Variants in GRM5 observed in about 807,000 individuals in gnomAD.
GRM5 encodes the protein metabotropic glutamate receptor 5.
A neutral mutation model predicts 83.1 loss-of-function variants in GRM5; 19 were observed. The observed-to-expected ratio is 0.23, with a 90% CI of 0.16 to 0.34. The LOEUF is 0.34. GRM5 is among the 10% of genes least tolerant of loss of function. The probability of loss-of-function intolerance (pLI) is 1.00; values close to 1 mark genes in which losing one functional copy is unlikely to be tolerated. For synonymous variants in GRM5, 675 were observed against 633.6 expected (o/e 1.07, Z -0.98); for missense variants, 1,160 against 1,588.3 (o/e 0.73, Z 4.58).
chr11:88,539,742 C>G (rs1455229267), intron 8 of GRM5, among the ~76,000 whole-genome samples: 1 of 152,208 alleles, frequency 6.6e-6, no homozygotes, highest in Non-Finnish European at 1.5e-5. Flanking sequence ...CTACTTCCAT[C>G]TGGATCTGTC....
intron 3 of GRM5, among the ~76,000 whole-genome samples, chr11:88,807,783 A>G (rs1754642440): frequency 6.6e-6 from 1 of 152,088 alleles, no homozygotes; most frequent in Non-Finnish European, 1.5e-5. Flanking sequence ...AAATTAATGA[A>G]TTGCAAAATT....
chr11:88,926,202 A>G (rs1295847545), intron 2 of GRM5, among the ~76,000 whole-genome samples: 1 of 152,162 alleles, frequency 6.6e-6, no homozygotes, highest in Non-Finnish European at 1.5e-5. Flanking sequence ...AGCAGTCTGC[A>G]GAGCCCATAT....
At chr11:88,539,860 T>C (rs1176909501) in intron 8 of GRM5, among the ~76,000 whole-genome samples, 1 of 152,224 alleles carries the variant, frequency 6.6e-6, no homozygotes, top group Admixed American at 6.5e-5. Context: ...GTCTCCCCTG[T>C]TAATCTGTAT....
At chr11:88,998,167 C>T (rs1940256051) in intron 2 of GRM5, among the ~76,000 whole-genome samples, 1 of 151,842 alleles carries the variant, frequency 6.6e-6, no homozygotes, top group Non-Finnish European at 1.5e-5. Context: ...GCAAATATAA[C>T]CACAAAAGTT....
At chr11:88,953,008 C>T (rs1349771771) in intron 2 of GRM5, among the ~76,000 whole-genome samples, 3 of 152,132 alleles carry the variant, frequency 2.0e-5, no homozygotes, top group Admixed American at 2.0e-4. Flanking sequence ...TAATGTTAAA[C>T]TATCTTTAAT....
At chr11:88,678,852 T>A (rs1044357989) in intron 3 of GRM5, among the ~76,000 whole-genome samples, 1 of 151,146 alleles carries the variant, frequency 6.6e-6, no homozygotes, top group Non-Finnish European at 1.5e-5. Context: ...TAAATCAATA[T>A]CCCAGGAAGA....
rs1398931844 is a variant in GRM5, at chr11:88,508,013, G to C, written c.*579C>G. On this transcript the variant is annotated 3_prime_UTR_variant, in exon 10 of 10. Coordinates refer to ENST00000305447, the MANE Select transcript of GRM5 (RefSeq NM_001143831.3). The surrounding 1 kb of genome is among the most constrained non-coding windows in gnomAD (Gnocchi z 4.2). ...ACTATCCAGTAGTGTGTTATGCATG[G>C]GACACATTCACAACGCCTCCGTAAA... 6.5e-6 allele frequency: 1 copy of C among 152,840 alleles called. No individual in the cohort carries two copies. The highest frequency in any genetic ancestry group is 1.5e-5 in the Non-Finnish European group (1 of 68,406). The allele number at this position is 152,840 out of a possible 1,614,324, so 9.5% of individuals were successfully genotyped here. A position where few individuals can be genotyped will look rare whatever the true frequency, so the allele number is the denominator to read the frequency against.
intron 8 of GRM5, among the ~76,000 whole-genome samples, chr11:88,559,709 G>T (rs774505341): frequency 6.6e-6 from 1 of 152,144 alleles, no homozygotes; most frequent in African/African-American, 2.4e-5. Context: ...TGAGTATTGA[G>T]TATGTGATTG....
At chr11:89,038,126 G>C (rs1454052207) in intron 2 of GRM5, among the ~76,000 whole-genome samples, 1 of 148,756 alleles carries the variant, frequency 6.7e-6, no homozygotes, top group African/African-American at 2.5e-5. Context: ...ACACCGACTA[G>C]ATAATCTCTT....
At chr11:88,773,463 C>T (rs1255049961) in intron 3 of GRM5, among the ~76,000 whole-genome samples, 1 of 152,094 alleles carries the variant, frequency 6.6e-6, no homozygotes, top group Non-Finnish European at 1.5e-5. Flanking sequence ...TAATTAGATG[C>T]CATTTGTCTA....
chr11:88,721,824 T>C (rs1433989049), intron 3 of GRM5, among the ~76,000 whole-genome samples: 1 of 152,140 alleles, frequency 6.6e-6, no homozygotes, highest in Non-Finnish European at 1.5e-5. Context: ...ATCAAATATG[T>C]GAAAAGAAAT....
At chr11:88,846,216 T>A (rs1224767008) in intron 3 of GRM5, among the ~76,000 whole-genome samples, 1 of 152,258 alleles carries the variant, frequency 6.6e-6, no homozygotes, top group Admixed American at 6.5e-5. Flanking sequence ...TGTTTCCAAG[T>A]CTTATTTAAA....
rs141497433 is a variant in GRM5, at chr11:88,510,638, T to G, written c.2727-1134A>C. ...TTCAAGCGAATCTCCTGCCTCAGCT[T>G]CCTGAGAAGCTGGGATTGTAGGCAT... On this transcript the variant is annotated intron_variant, in intron 9 of 9. Transcript: ENST00000305447. Among the ~76,000 whole-genome samples, 866 of 152,256 alleles carry G rather than the reference T, an allele frequency of 5.7e-3. 7 individuals are homozygous for G. The highest frequency in any genetic ancestry group is 0.02 in the African/African-American group (837 of 41,552).
At chr11:88,797,306 C>T (rs777994828) in intron 3 of GRM5, among the ~76,000 whole-genome samples, 7 of 151,982 alleles carry the variant, frequency 4.6e-5, no homozygotes, top group African/African-American at 1.4e-4. Context: ...TGCACCACCA[C>T]GCTCCGCTAA....
chr11:88,877,056 T>C (rs902629807), intron 2 of GRM5, among the ~76,000 whole-genome samples: 1 of 152,012 alleles, frequency 6.6e-6, no homozygotes, highest in African/African-American at 2.4e-5. Context: ...GGTTACCAGA[T>C]GCTGGAAAGA....
chr11:88,703,523 C>A (rs1941085012), intron 3 of GRM5, among the ~76,000 whole-genome samples: 1 of 151,990 alleles, frequency 6.6e-6, no homozygotes, highest in African/African-American at 2.4e-5. Context: ...AAATGACAAG[C>A]AATATGGGTT....
chr11:88,701,595 AG>A (rs1369790911), intron 3 of GRM5, among the ~76,000 whole-genome samples: 3 of 152,154 alleles, frequency 2.0e-5, no homozygotes, highest in Admixed American at 6.6e-5. Context: ...AGCTATTTCT[AG>A]TACAGATAGT....
intron 2 of GRM5, among the ~76,000 whole-genome samples, chr11:88,969,501 A>T (rs1002485570): frequency 2.0e-5 from 3 of 152,030 alleles, no homozygotes; most frequent in African/African-American, 7.2e-5. Context: ...ATCTCTTGGA[A>T]CTCCTATTAA....
At chr11:88,885,450 GTTTTTTTTTTTT>G (rs61456975) in intron 2 of GRM5, among the ~76,000 whole-genome samples, 913 of 62,650 alleles carry the variant, frequency 0.015, 83 homozygotes, top group African/African-American at 0.039. Context: ...TAGGTACCAT[GTTTTTTTTTTTT>G]TTTTTTTTTT....
Sources: gnomAD v4.1 joint callset for allele counts (sites outside exome capture counted in the v4.1 genomes callset) on GRCh38, gnomAD v4.1.1 for gene constraint, Gnocchi (gnomAD v3.1) non-coding constraint, MANE v1.5 for transcripts, NCBI Gene and HGNC (gene_info 2026-07-23, HGNC 2026-07-21) for gene names.